ALPK2: variants seen among roughly 807,000 people sequenced by gnomAD.
ALPK2 encodes alpha-protein kinase 2.
ALPK2 carries 127 observed loss-of-function variants against 163.1 expected under a neutral mutation model. That is an observed-to-expected ratio of 0.78 (90% CI 0.67 to 0.90). The LOEUF (loss-of-function observed/expected upper bound fraction) is 0.90, where lower values mean the gene tolerates loss of function less well. ALPK2 is among the 40% of genes least tolerant of loss of function. The pLI is 0.00. For missense variants in ALPK2, 2,360 were observed against 2,589.6 expected (o/e 0.91, Z 1.92); for synonymous variants, 953 against 959.1 (o/e 0.99, Z 0.12).
chr18:58,580,869 G>C (rs140744126), intron 3 of ALPK2: 5 of 235,108 alleles, frequency 2.1e-5, no homozygotes, highest in Non-Finnish European at 3.3e-5. Context: ...TGGTCTAAGA[G>C]GGGGAGAAAC....
rs1028373757 is a variant in ALPK2 at position 58,536,743 on chromosome 18, A to G, written c.3444T>C (p.Leu1148=). Residue 1148 remains leucine (L), a synonymous_variant, in exon 5 of 13, where the codon CTT becomes CTC. Transcript: ENST00000361673. The part of the protein sequence containing the change: ...QQQSLSQQGS[L]SAPDFQQSLP... ...AACTTTGTTGGAAATCAGGTGCAGA[A>G]AGAGAACCCTGCTGGGACAGGCTCT... The G allele has an allele frequency of 8.7e-6, 14 of 1,614,200 alleles. No individual in the cohort carries two copies. The highest frequency in any genetic ancestry group is 9.3e-6 in the Non-Finnish European group (11 of 1,180,030).
At chr18:58,488,059 C>G (rs2051349409) in intron 12 of ALPK2, among the ~76,000 whole-genome samples, 1 of 151,964 alleles carries the variant, frequency 6.6e-6, no homozygotes, top group African/African-American at 2.4e-5. Context: ...GTCACTGGTC[C>G]AGGGACCCCC....
intron 3 of ALPK2, among the ~76,000 whole-genome samples, chr18:58,599,444 T>C (rs1416176023): frequency 1.3e-5 from 2 of 152,170 alleles, no homozygotes; most frequent in African/African-American, 2.4e-5. Context: ...ATCCTTAAGA[T>C]TTGTTAGACC....
chr18:58,489,119 G>A (rs770768609), intron 12 of ALPK2, among the ~76,000 whole-genome samples: 31 of 152,116 alleles, frequency 2.0e-4, no homozygotes, highest in Admixed American at 3.9e-4. Flanking sequence ...TCACACTGCC[G>A]AGCAGATTCC....
chr18:58,612,868 G>A (rs925171510), intron 1 of ALPK2, among the ~76,000 whole-genome samples: 9 of 152,272 alleles, frequency 5.9e-5, no homozygotes, highest in East Asian at 3.9e-4. Context: ...AATGGCAGGC[G>A]GTTCTCCCAC....
chr18:58,514,621 A>T (rs1260228631), intron 10 of ALPK2, among the ~76,000 whole-genome samples: 1 of 152,054 alleles, frequency 6.6e-6, no homozygotes, highest in Non-Finnish European at 1.5e-5. Flanking sequence ...TCGCCTTGTG[A>T]TATCTCTTGT....
chr18:58,600,933 G>A (rs1433514748), intron 3 of ALPK2, among the ~76,000 whole-genome samples: 1 of 152,178 alleles, frequency 6.6e-6, no homozygotes, highest in African/African-American at 2.4e-5. Flanking sequence ...AGCATATTAA[G>A]TGCTCTTAAT....
chr18:58,520,428 C>CAAA (rs61028795), intron 8 of ALPK2, among the ~76,000 whole-genome samples: 37,717 of 64,592 alleles, frequency 0.58, 14,137 homozygotes, highest in Middle Eastern at 0.72. Flanking sequence ...GACTCCGTCT[C>CAAA]AAAAAAAAAA....
At chr18:58,594,646 G>A (rs1348427340) in intron 3 of ALPK2, among the ~76,000 whole-genome samples, 1 of 152,162 alleles carries the variant, frequency 6.6e-6, no homozygotes, top group South Asian at 2.1e-4. Context: ...CACGCCCCAA[G>A]CCAAACTGTG....
chr18:58,528,923 C>G, intron 6 of ALPK2, 168 bp downstream of exon 6: 1 of 821,226 alleles, frequency 1.2e-6, no homozygotes, highest in South Asian at 1.8e-5. Context: ...TTTCCCCATC[C>G]AGACACTTGT....
At chr18:58,555,924 C>T (rs373420933) in intron 4 of ALPK2, among the ~76,000 whole-genome samples, 5 of 152,130 alleles carry the variant, frequency 3.3e-5, no homozygotes, top group African/African-American at 9.7e-5. Flanking sequence ...CCGGTTCAAG[C>T]GATTCTCCTG....
chr18:58,608,486 C>T (rs2052109794), intron 2 of ALPK2, among the ~76,000 whole-genome samples: 1 of 152,190 alleles, frequency 6.6e-6, no homozygotes, highest in Admixed American at 6.5e-5. Flanking sequence ...TTCTCATTAG[C>T]CTTCATGTCA....
intron 3 of ALPK2, among the ~76,000 whole-genome samples, chr18:58,593,986 G>C (rs952056429): frequency 6.6e-6 from 1 of 150,608 alleles, no homozygotes; most frequent in Non-Finnish European, 1.5e-5. Flanking sequence ...AGCATAATGG[G>C]GTGAAACCTT....
chr18:58,532,403 CCCGG>C (rs1443551132), intron 5 of ALPK2, among the ~76,000 whole-genome samples: 1 of 152,190 alleles, frequency 6.6e-6, no homozygotes, highest in Non-Finnish European at 1.5e-5. Flanking sequence ...CAGAACCTAC[CCCGG>C]CATGGGCAAA....
At chr18:58,627,376 T>G (rs1029652272) in intron 1 of ALPK2, among the ~76,000 whole-genome samples, 3 of 152,162 alleles carry the variant, frequency 2.0e-5, no homozygotes, top group African/African-American at 7.2e-5. Context: ...ATCCCAAGAC[T>G]TTGGGAGGCC....
chr18:58,482,980 C>T (rs1292645707), intron 12 of ALPK2, among the ~76,000 whole-genome samples: 1 of 152,148 alleles, frequency 6.6e-6, no homozygotes, highest in Non-Finnish European at 1.5e-5. Flanking sequence ...CCCTGCAGGT[C>T]TTCCTGCCAG....
At chr18:58,573,244 G>GTGTATATATGTATATA (rs1248418389) in intron 4 of ALPK2, among the ~76,000 whole-genome samples, 1 of 143,756 alleles carries the variant, frequency 7.0e-6, no homozygotes, top group Non-Finnish European at 1.5e-5. Flanking sequence ...GTGTATATAT[G>GTGTATATATGTATATA]TGTATATATG....
Position 58,489,985 on chromosome 18 carries a change from G to A in ALPK2, c.6297-7946C>T, listed in dbSNP as rs185723780. On this transcript the variant is annotated intron_variant, in intron 12 of 12. Transcript: ENST00000361673. ...AGTCTTAGCTACTCAGGAGGCTGAG[G>A]CAGGAGAATCGCTTGAATGAGGTTG... 7.2e-5 allele frequency among the ~76,000 whole-genome samples: 11 copies of A among 152,138 alleles called. 1 individual carries two copies. Among genetic ancestry groups the A allele is most frequent in the Admixed American group, 7.2e-4 (11 of 15,294 alleles).
intron 4 of ALPK2, among the ~76,000 whole-genome samples, chr18:58,542,572 T>C (rs1195825769): frequency 6.6e-6 from 1 of 152,190 alleles, no homozygotes; most frequent in Non-Finnish European, 1.5e-5. Flanking sequence ...TTGACTGTGA[T>C]AGAAGAGTGC....
Sources: gnomAD v4.1 joint callset for allele counts (sites outside exome capture counted in the v4.1 genomes callset) on GRCh38, gnomAD v4.1.1 for gene constraint, MANE v1.5 for transcripts, NCBI Gene and HGNC (gene_info 2026-07-23, HGNC 2026-07-21) for gene names.